KCNT2: variants seen among roughly 807,000 people sequenced by gnomAD.
KCNT2 encodes the protein potassium channel subfamily T member 2.
A neutral mutation model predicts 153.8 loss-of-function variants in KCNT2; 67 were observed. The ratio of observed to expected loss-of-function variants is 0.44; its 90% CI spans 0.36 to 0.53. The LOEUF is 0.53. Ranked by LOEUF, KCNT2 falls within the 20% of genes least tolerant of loss-of-function variation. The pLI is 0.00. For synonymous variants in KCNT2, 500 were observed against 458.8 expected (o/e 1.09, Z -1.15); for missense variants, 975 against 1,354.8 (o/e 0.72, Z 4.40).
At chr1:196,522,948 C>T (rs1047233962) in intron 1 of KCNT2, among the ~76,000 whole-genome samples, 2 of 152,192 alleles carry the variant, frequency 1.3e-5, no homozygotes, top group African/African-American at 4.8e-5. Context: ...GGAATAAAAG[C>T]TGGCCACCCA....
intron 1 of KCNT2, among the ~76,000 whole-genome samples, chr1:196,524,462 G>A (rs1312941958): frequency 2.6e-5 from 4 of 152,122 alleles, no homozygotes; most frequent in African/African-American, 7.2e-5. Context: ...GTCCACTAAA[G>A]AGGATGGCAA....
intron 14 of KCNT2, among the ~76,000 whole-genome samples, chr1:196,350,664 T>G (rs1057300347): frequency 2.0e-5 from 3 of 152,196 alleles, no homozygotes; most frequent in African/African-American, 7.2e-5. Flanking sequence ...GCCTGTTCAC[T>G]CTGATGGTAA....
At chr1:196,505,281 C>A (rs1033073226) in intron 1 of KCNT2, among the ~76,000 whole-genome samples, 5 of 152,128 alleles carry the variant, frequency 3.3e-5, no homozygotes. Context: ...AGGAAGGGAT[C>A]CAGTTTCAGC....
At chr1:196,604,728 A>AT (rs766487131) in intron 1 of KCNT2, among the ~76,000 whole-genome samples, 37 of 151,420 alleles carry the variant, frequency 2.4e-4, no homozygotes, top group Non-Finnish European at 4.3e-4. Flanking sequence ...AATATATATT[A>AT]TTAATCACAT....
chr1:196,554,749 G>A (rs1022627390), intron 1 of KCNT2, among the ~76,000 whole-genome samples: 9 of 151,074 alleles, frequency 6.0e-5, no homozygotes, highest in African/African-American at 1.9e-4. Flanking sequence ...CAAAATACTA[G>A]CAAACCAAAT....
intron 1 of KCNT2, among the ~76,000 whole-genome samples, chr1:196,521,958 A>T (rs1456290289): frequency 2.0e-5 from 3 of 152,202 alleles, no homozygotes; most frequent in African/African-American, 7.2e-5. Flanking sequence ...AAAGTTTTTA[A>T]AAAGCACATT....
chr1:196,280,567 G>A (rs990539426), intron 25 of KCNT2, among the ~76,000 whole-genome samples: 1 of 152,062 alleles, frequency 6.6e-6, no homozygotes, highest in African/African-American at 2.4e-5. Context: ...TAATTAATTT[G>A]CTTCCTGATA....
intron 1 of KCNT2, among the ~76,000 whole-genome samples, chr1:196,597,186 T>A (rs1664186260): frequency 6.6e-6 from 1 of 152,100 alleles, no homozygotes; most frequent in Non-Finnish European, 1.5e-5. Flanking sequence ...ATCTATTGAC[T>A]ACATTTACAT....
intron 16 of KCNT2, among the ~76,000 whole-genome samples, chr1:196,334,574 A>G (rs1165205655): frequency 2.0e-5 from 3 of 147,802 alleles, no homozygotes; most frequent in Non-Finnish European, 4.5e-5. Flanking sequence ...TCCCAGGTTC[A>G]AGCGCCCCCT....
At chr1:196,588,627 T>G (rs1374579278) in intron 1 of KCNT2, among the ~76,000 whole-genome samples, 1 of 151,992 alleles carries the variant, frequency 6.6e-6, no homozygotes, top group Non-Finnish European at 1.5e-5. Context: ...GACACAAATC[T>G]ACAATGTTAC....
At chr1:196,557,084 A>G (rs971065992) in intron 1 of KCNT2, among the ~76,000 whole-genome samples, 8 of 151,140 alleles carry the variant, frequency 5.3e-5, no homozygotes, top group African/African-American at 1.9e-4. Context: ...TTGACAGCAC[A>G]AGAGGGGGTC....
chr1:196,511,116 AACACACACACACACACAC>A (rs35177032), intron 1 of KCNT2, among the ~76,000 whole-genome samples: 22 of 146,570 alleles, frequency 1.5e-4, no homozygotes, highest in Middle Eastern at 7.0e-3. Flanking sequence ...AAACACACAC[AACACACACACACACACAC>A]ACACACACAC....
chr1:196,318,359 T>G (rs1662943479), intron 20 of KCNT2, among the ~76,000 whole-genome samples: 1 of 151,744 alleles, frequency 6.6e-6, no homozygotes, highest in Non-Finnish European at 1.5e-5. Flanking sequence ...GACCAACAAT[T>G]ATCAATTCGT....
At chr1:196,345,019 G>A (rs1394041404) in intron 14 of KCNT2, among the ~76,000 whole-genome samples, 1 of 152,048 alleles carries the variant, frequency 6.6e-6, no homozygotes, top group African/African-American at 2.4e-5. Context: ...TACATCTAAT[G>A]CTGATGTGTA....
At chr1:196,526,241 A>T (rs1558041765) in intron 1 of KCNT2, among the ~76,000 whole-genome samples, 1 of 151,772 alleles carries the variant, frequency 6.6e-6, no homozygotes, top group Non-Finnish European at 1.5e-5. Context: ...TGTATAATTT[A>T]TATATGCTAT....
At chr1:196,348,942 G>T (rs913618151) in intron 14 of KCNT2, among the ~76,000 whole-genome samples, 29 of 151,958 alleles carry the variant, frequency 1.9e-4, no homozygotes, top group African/African-American at 6.5e-4. Flanking sequence ...ACTCCAGCCT[G>T]GGCAACAAAG....
intron 27 of KCNT2, among the ~76,000 whole-genome samples, chr1:196,229,349 A>G (rs1041597664): frequency 3.9e-5 from 6 of 152,040 alleles, no homozygotes; most frequent in African/African-American, 1.4e-4. Context: ...GTTTTGGGAT[A>G]CCACTATCCG....
At chr1:196,575,080 A>T (rs1661200460) in intron 1 of KCNT2, among the ~76,000 whole-genome samples, 1 of 152,152 alleles carries the variant, frequency 6.6e-6, no homozygotes, top group African/African-American at 2.4e-5. Context: ...AGAGTTTTAG[A>T]AGTGAAAGTT....
intron 13 of KCNT2, among the ~76,000 whole-genome samples, chr1:196,384,875 A>G (rs1669829992): frequency 1.3e-5 from 2 of 152,138 alleles, no homozygotes; most frequent in Admixed American, 1.3e-4. Context: ...GAAGTCTCGC[A>G]TAACAACCTA....
Sources: gnomAD v4.1 joint callset for allele counts (sites outside exome capture counted in the v4.1 genomes callset) on GRCh38, gnomAD v4.1.1 for gene constraint, MANE v1.5 for transcripts, NCBI Gene and HGNC (gene_info 2026-07-23, HGNC 2026-07-21) for gene names.